The following CREM variants were observed in gnomAD, a reference collection of about 807,000 sequenced individuals.
CREM encodes cAMP responsive element modulator.
In CREM, 13 loss-of-function variants were observed where a neutral mutation model predicts 37.3. The ratio of observed to expected loss-of-function variants is 0.35; its 90% CI spans 0.23 to 0.55. CREM has a LOEUF of 0.55. Ranked by LOEUF, CREM falls within the 20% of genes least tolerant of loss-of-function variation. The pLI, the probability that CREM is intolerant of heterozygous loss-of-function variation, is 0.88. For missense variants in CREM, 296 were observed against 362.3 expected, an observed-to-expected ratio of 0.82 and a Z score of 1.49; for synonymous variants, 124 against 120.2, an observed-to-expected ratio of 1.03 and a Z score of -0.21.
intron 3 of CREM, chr10:35,153,969 T>C (rs2092745597): frequency 1.8e-5 from 7 of 396,342 alleles, no homozygotes; most frequent in Non-Finnish European, 3.1e-5. Context: ...AGCTGAACTC[T>C]GTTAACCCTA....
At chr10:35,206,317 T>A (rs1036114779) in intron 6 of CREM, among the ~76,000 whole-genome samples, 3 of 152,152 alleles carry the variant, frequency 2.0e-5, no homozygotes, top group African/African-American at 7.2e-5. Flanking sequence ...CATATATACA[T>A]ACACATACAC....
chr10:35,186,680 AAT>A (rs1352885710), intron 5 of CREM, among the ~76,000 whole-genome samples: 1 of 140,298 alleles, frequency 7.1e-6, no homozygotes, highest in South Asian at 2.1e-4. Context: ...AATTATAATA[AAT>A]ATATATTAAA....
At chr10:35,165,667 T>G (rs1224662194) in intron 3 of CREM, among the ~76,000 whole-genome samples, 2 of 151,914 alleles carry the variant, frequency 1.3e-5, no homozygotes, top group African/African-American at 4.8e-5. Context: ...GCTAAAAGAG[T>G]TTGACTTCTA....
At chr10:35,133,812 C>T (rs75541551) in intron 1 of CREM, among the ~76,000 whole-genome samples, 21,592 of 152,214 alleles carry the variant, frequency 0.14, 1,862 homozygotes, top group East Asian at 0.24. Flanking sequence ...TCTTGGTAAG[C>T]ACCCCTCCCT....
intron 4 of CREM, 64 bp downstream of exon 4, chr10:35,179,050 C>G (rs1225931798): frequency 3.3e-6 from 5 of 1,533,368 alleles, no homozygotes; most frequent in Non-Finnish European, 3.6e-6. Context: ...AATTATACAT[C>G]AAATCAATTC....
At chr10:35,208,209 A>C (rs1421803403) in intron 7 of CREM, among the ~76,000 whole-genome samples, 4 of 152,200 alleles carry the variant, frequency 2.6e-5, no homozygotes, top group Non-Finnish European at 4.4e-5. Context: ...CAAATACAAA[A>C]TAACAAAAAG....
intron 5 of CREM, among the ~76,000 whole-genome samples, chr10:35,185,033 CCATTCATTCATT>C (rs34576035): frequency 6.7e-6 from 1 of 148,968 alleles, no homozygotes; most frequent in Non-Finnish European, 1.5e-5. Context: ...GAAATGATAG[CCATTCATTCATT>C]CATTCATTCA....
chr10:35,176,566 C>T (rs1015942751), intron 3 of CREM, among the ~76,000 whole-genome samples: 1 of 151,880 alleles, frequency 6.6e-6, no homozygotes, highest in African/African-American at 2.4e-5. Context: ...CGCCACCATG[C>T]GTGGCTAATT....
rs759794387 is a variant in CREM, at chr10:35,175,691, A to G, written c.169-3198A>G. 3.1e-6 allele frequency: 5 copies of G among 1,614,198 alleles called. No individual in the cohort carries two copies. In the Admixed American group the frequency reaches 8.3e-5, roughly 27 times the overall value. On this transcript the variant is annotated intron_variant, in intron 3 of 7. Coordinates refer to ENST00000685392, the MANE Select transcript of CREM (RefSeq NM_183011.2). ...CAGAAAATGACTGTTCCAGGACAGTAACCACCTCCCGATGGTAAGTATCCT... is the reference window on the plus strand; with the variant it reads ...CAGAAAATGACTGTTCCAGGACAGTGACCACCTCCCGATGGTAAGTATCCT...
At chr10:35,183,381 C>G (rs924336502) in intron 5 of CREM, among the ~76,000 whole-genome samples, 2 of 152,160 alleles carry the variant, frequency 1.3e-5, no homozygotes, top group African/African-American at 4.8e-5. Context: ...CTTACACATT[C>G]GAAAGTTAAT....
At chr10:35,198,964 A>T (rs919367561) in intron 6 of CREM, among the ~76,000 whole-genome samples, 1 of 152,046 alleles carries the variant, frequency 6.6e-6, no homozygotes, top group African/African-American at 2.4e-5. Flanking sequence ...AGCCTGGCCA[A>T]CATGGTGAAA....
At chr10:35,128,367 C>T (rs2088446516) in intron 1 of CREM, among the ~76,000 whole-genome samples, 1 of 152,062 alleles carries the variant, frequency 6.6e-6, no homozygotes, top group Admixed American at 6.6e-5. Flanking sequence ...CTTAATTTGC[C>T]GGGCAGATGA....
intron 7 of CREM, 142 bp from the exon 8 acceptor site, chr10:35,211,112 T>A: frequency 2.8e-6 from 2 of 717,564 alleles, no homozygotes; most frequent in Non-Finnish European, 4.4e-6. Flanking sequence ...AGCATGTGCC[T>A]GGTTATGTTT....
chr10:35,142,392 A>C (rs988935945), intron 2 of CREM, among the ~76,000 whole-genome samples: 5 of 150,258 alleles, frequency 3.3e-5, no homozygotes, highest in African/African-American at 9.8e-5. Flanking sequence ...TGTAGATGTC[A>C]ATAGCTTTGT....
In CREM at chr10:35,165,056, CA is replaced by C. The variant is rs60898349; in HGVS notation, c.169-13811del. 9.4e-3 allele frequency among the ~76,000 whole-genome samples: 703 copies of C among 74,872 alleles called. 5 individuals are homozygous for C. Among genetic ancestry groups the C allele is most frequent in the South Asian group, 0.053 (125 of 2,338 alleles). 49.1% of individuals were successfully genotyped at this position (74,872 alleles called of 152,430 possible). A position where few individuals can be genotyped will look rare whatever the true frequency, so the allele number is the denominator to read the frequency against. On this transcript the variant is annotated intron_variant, in intron 3 of 7. Transcript: ENST00000685392. ...TGGGCCACAGAGCGAGGCTCCATCT[CA>C]AAAAAAAAAAAAAAAAAAAAAGAAA...
rs778809329 is a variant in CREM, at chr10:35,188,357, C to T, written c.567C>T (p.Phe189=). ...AAQSADGTQQ[F]FVPGSQVVVQ... is the part of the protein sequence containing the mutation. Reference sequence around the variant, plus strand: ...AATCAGCTGATGGCACACAGCAGTTCTTTGTCCCAGGCAGCCAGGTTGTTG... The same window carrying T: ...AATCAGCTGATGGCACACAGCAGTTTTTTGTCCCAGGCAGCCAGGTTGTTG... Residue 189 remains phenylalanine, a synonymous_variant, in exon 6 of 8, where the codon TTC becomes TTT. Transcript: ENST00000685392. 2 of 1,612,712 alleles carry T rather than the reference C, an allele frequency of 1.2e-6. No individual in the cohort carries two copies. The highest frequency in any genetic ancestry group is 3.3e-5 in the Admixed American group (2 of 59,718).
At chr10:35,179,298 A>T in intron 5 of CREM, 22 bp downstream of exon 5, 1 of 1,612,632 alleles carries the variant, frequency 6.2e-7, no homozygotes, top group South Asian at 1.1e-5. Flanking sequence ...GCAATTCGAT[A>T]TGATACAGTG....
At chr10:35,147,057 T>C (rs1291789011) in intron 2 of CREM, among the ~76,000 whole-genome samples, 2 of 145,824 alleles carry the variant, frequency 1.4e-5, no homozygotes, top group Non-Finnish European at 3.0e-5. Context: ...TTTTTTTTTT[T>C]TTTTTTTTTT....
intron 3 of CREM, among the ~76,000 whole-genome samples, chr10:35,168,538 T>A (rs1474967258): frequency 6.6e-6 from 1 of 152,094 alleles, no homozygotes; most frequent in African/African-American, 2.4e-5. Flanking sequence ...TTTTTTCCCA[T>A]TCTGTAGGTT....
Sources: gnomAD v4.1 joint callset for allele counts (sites outside exome capture counted in the v4.1 genomes callset) on GRCh38, gnomAD v4.1.1 for gene constraint, MANE v1.5 for transcripts, NCBI Gene and HGNC (gene_info 2026-07-23, HGNC 2026-07-21) for gene names.